MEGF6: variants seen among roughly 807,000 people sequenced by gnomAD.
MEGF6 encodes multiple EGF like domains 6, also known as multiple epidermal growth factor-like domains protein 6.
Under a neutral mutation model 207.1 loss-of-function variants are expected in MEGF6, and 184 were observed. The ratio of observed to expected loss-of-function variants is 0.89; its 90% CI spans 0.79 to 1.00. MEGF6 has a LOEUF of 1.00. MEGF6 is among the 50% of genes least tolerant of loss of function. The pLI is 0.00. For missense variants in MEGF6, 2,282 were observed against 2,202.9 expected (o/e 1.04, Z -0.72); for synonymous variants, 1,038 against 910.0 (o/e 1.14, Z -2.53).
At chr1:3,522,622 G>A (rs1163450244) in intron 5 of MEGF6, among the ~76,000 whole-genome samples, 1 of 151,464 alleles carries the variant, frequency 6.6e-6, no homozygotes, top group Non-Finnish European at 1.5e-5. Context: ...GTTGTGGTGG[G>A]TGGGGTGGTC....
At chr1:3,619,991 A>C in the MEGF6 span, among the ~76,000 whole-genome samples, 8 of 152,226 alleles carry the variant, frequency 5.3e-5, no homozygotes, top group Admixed American at 4.6e-4. Context: ...ATGTGGTCTC[A>C]GACGAAAATG....
chr1:3,620,414 T>C, the MEGF6 span, among the ~76,000 whole-genome samples: 1 of 152,172 alleles, frequency 6.6e-6, no homozygotes, highest in Non-Finnish European at 1.5e-5. Context: ...TCAGCTCCAG[T>C]CAGGGCCAAA....
At chr1:3,520,446 C>T (rs1286869176) in intron 5 of MEGF6, among the ~76,000 whole-genome samples, 2 of 152,314 alleles carry the variant, frequency 1.3e-5, no homozygotes, top group Admixed American at 6.5e-5. Context: ...CCTACATCAC[C>T]GGGGAAGGCA....
chr1:3,590,822 C>T (rs1489074055), intron 3 of MEGF6, among the ~76,000 whole-genome samples: 2 of 147,326 alleles, frequency 1.4e-5, no homozygotes, highest in African/African-American at 2.4e-5. Flanking sequence ...AGCCCTGACC[C>T]ACAGGGCCCT....
upstream of MEGF6, among the ~76,000 whole-genome samples, chr1:3,616,479 T>C (rs12033348): frequency 0.016 from 2,372 of 152,270 alleles, 67 homozygotes; most frequent in African/African-American, 0.049. Context: ...CGCCCCAGTC[T>C]GTGCCAGCAC....
At chr1:3,584,765 G>A (rs773047638) in intron 3 of MEGF6, among the ~76,000 whole-genome samples, 19 of 152,252 alleles carry the variant, frequency 1.2e-4, no homozygotes, top group Non-Finnish European at 2.1e-4. Context: ...CATCTGAGAC[G>A]GTAACCACAG....
chr1:3,579,697 G>C, intron 4 of MEGF6, 128 bp downstream of exon 4: 2 of 583,022 alleles, frequency 3.4e-6, no homozygotes, highest in Non-Finnish European at 5.6e-6. Flanking sequence ...GTCCTCAGAA[G>C]AATGCCCGTT....
intron 2 of MEGF6, among the ~76,000 whole-genome samples, chr1:3,602,024 G>C (rs758480152): frequency 1.4e-4 from 21 of 152,232 alleles, no homozygotes; most frequent in Non-Finnish European, 2.9e-4. Context: ...GTCTATAAAA[G>C]GGGGAGAGGT....
At chr1:3,540,218 G>C (rs1452828294) in intron 4 of MEGF6, among the ~76,000 whole-genome samples, 1 of 152,244 alleles carries the variant, frequency 6.6e-6, no homozygotes, top group Non-Finnish European at 1.5e-5. Flanking sequence ...GAACGTGCCT[G>C]CCAGGGTGTG....
chr1:3,500,716 C>T lies in MEGF6; in HGVS notation c.2624G>A (p.Cys875Tyr). ...ATCACAGCTCCCGTGGCCAGCGCTG[C>T]AGTTGCAGGGGTGGCTGCAGTCAGG... is the stretch of plus-strand genomic sequence containing the variant. ...WGPDCSHPCN[C>Y]SAGHGSCDAI... The change falls in exon 21 of 37, where the codon TGC becomes TAC. Residue 875 changes from cysteine (C) to tyrosine (Y), a missense_variant. Physicochemically the swap from Cys to Tyr is radical, Grantham distance 194. Coordinates refer to ENST00000356575, the MANE Select transcript of MEGF6 (RefSeq NM_001409.4). 2 of 1,596,668 alleles carry T rather than the reference C, an allele frequency of 1.3e-6. No homozygotes were observed. The highest frequency in any genetic ancestry group is 8.5e-7 in the Non-Finnish European group (1 of 1,172,120).
chr1:3,576,102 G>A (rs185136921), intron 4 of MEGF6, among the ~76,000 whole-genome samples: 35 of 152,374 alleles, frequency 2.3e-4, no homozygotes, highest in Middle Eastern at 3.4e-3. Flanking sequence ...CAAAATGAGC[G>A]GCTGGCCCTG....
intron 5 of MEGF6, among the ~76,000 whole-genome samples, chr1:3,517,390 A>G (rs1422938907): frequency 6.6e-6 from 1 of 152,202 alleles, no homozygotes; most frequent in Non-Finnish European, 1.5e-5. Flanking sequence ...GATCAGAGGC[A>G]GGGATCCCCC....
chr1:3,610,787 T>C (rs1644314294), intron 1 of MEGF6, among the ~76,000 whole-genome samples: 1 of 152,184 alleles, frequency 6.6e-6, no homozygotes, highest in South Asian at 2.1e-4. Flanking sequence ...CGGCTTCCTC[T>C]CTGCCTTCTC....
rs374339674 is a variant in MEGF6 at position 3,510,820 on chromosome 1, G to A, written c.1197C>T (p.Ala399=). ...NPGGYECGCY[A]GYRLSADGCG... ...AGCCATCGGCACTGAGCCGGTAGCC[G>A]GCGTAGCAGCCGCACTCGTACCCGC... Residue 399 remains alanine (A), a synonymous_variant, in exon 10 of 37, where the codon GCC becomes GCT. Transcript: ENST00000356575. 149 of 1,610,296 alleles carry A rather than the reference G, an allele frequency of 9.3e-5. No individual in the cohort carries two copies. The African/African-American group carries it at 1.1e-3, about 12-fold the overall frequency.
chr1:3,493,615 A>T, intron 34 of MEGF6, 156 bp downstream of exon 34: 1 of 1,034,310 alleles, frequency 9.7e-7, no homozygotes. Context: ...CCAGCAGCTG[A>T]CTCCAGCCCC....
chr1:3,602,277 AG>A (rs1288975808), intron 2 of MEGF6, among the ~76,000 whole-genome samples, 188 bp downstream of exon 2: 1 of 152,200 alleles, frequency 6.6e-6, no homozygotes, highest in Non-Finnish European at 1.5e-5. Flanking sequence ...ACAGCATGTG[AG>A]TAGCCCCATG....
chr1:3,548,847 C>A (rs1266426914), intron 4 of MEGF6, among the ~76,000 whole-genome samples: 1 of 152,192 alleles, frequency 6.6e-6, no homozygotes, highest in Non-Finnish European at 1.5e-5. Flanking sequence ...GGGAAAGGAG[C>A]CCACTGCAGC....
intron 5 of MEGF6, among the ~76,000 whole-genome samples, chr1:3,519,920 G>A (rs909601676): frequency 6.6e-6 from 1 of 152,194 alleles, no homozygotes; most frequent in African/African-American, 2.4e-5. Context: ...GCAGGGCTGG[G>A]AGGCCACCCC....
rs1319414058 is a variant in MEGF6 at position 3,489,556 on chromosome 1, T to A, written c.*972A>T. Among the ~76,000 whole-genome samples the A allele has an allele frequency of 6.6e-6, 1 of 151,918 alleles. No individual in the cohort carries two copies. The highest frequency in any genetic ancestry group is 1.5e-5 in the Non-Finnish European group (1 of 67,946). On this transcript the variant is annotated 3_prime_UTR_variant, in exon 37 of 37. Transcript: ENST00000356575. The stretch of plus-strand genomic sequence containing the variant: ...GGCTGGTCTGTCCTCACCCAGGGAG[T>A]CCCTGCCCCTGCGATGCTGCCCTCC...
Sources: gnomAD v4.1 joint callset for allele counts (sites outside exome capture counted in the v4.1 genomes callset) on GRCh38, gnomAD v4.1.1 for gene constraint, MANE v1.5 for transcripts, NCBI Gene and HGNC (gene_info 2026-07-23, HGNC 2026-07-21) for gene names.